Variants in SLC11A2 observed in about 807,000 individuals in gnomAD.
The protein encoded by SLC11A2 is solute carrier family 11 member 2.
In SLC11A2, 38 loss-of-function variants were observed where a neutral mutation model predicts 68.0. The observed-to-expected ratio is 0.56, with a 90% CI of 0.43 to 0.73. The LOEUF is 0.73. SLC11A2 is among the 30% of genes least tolerant of loss of function. SLC11A2 has a pLI of 0.00. For synonymous variants in SLC11A2, 242 were observed against 250.6 expected, an observed-to-expected ratio of 0.97 and a Z score of 0.32; for missense variants, 517 against 690.5, an observed-to-expected ratio of 0.75 and a Z score of 2.82.
At position 51,005,300 on chromosome 12, in the gene SLC11A2, T is replaced by G; in HGVS notation, c.309+11A>C. ...GTGCTTAAAAGGACAGGGGTAGGAC[T>G]AGATGTTCACCTTAAATCCAGCCAC... is the stretch of plus-strand genomic sequence containing the variant. On this transcript the variant is annotated intron_variant, in intron 4 of 15. Coordinates refer to ENST00000262052, the MANE Select transcript of SLC11A2 (RefSeq NM_000617.3). 6.2e-7 allele frequency: 1 copy of G among 1,613,702 alleles called. No homozygotes were observed. The highest frequency in any genetic ancestry group is 1.1e-5 in the South Asian group (1 of 91,050).
the SLC11A2 span, chr12:50,970,473 TA>T: frequency 6.5e-7 from 1 of 1,532,564 alleles, no homozygotes; most frequent in Non-Finnish European, 8.9e-7. Context: ...AGGATTACAT[TA>T]GACCACGATT....
At chr12:50,997,983 T>C (rs1296592236) in intron 8 of SLC11A2, among the ~76,000 whole-genome samples, 8 of 41,608 alleles carry the variant, frequency 1.9e-4, no homozygotes, top group Non-Finnish European at 3.7e-4. Flanking sequence ...GGAGACTCCA[T>C]CTCAAAAAAA....
the SLC11A2 span, among the ~76,000 whole-genome samples, chr12:50,966,831 T>C: frequency 6.6e-6 from 1 of 152,092 alleles, no homozygotes; most frequent in Non-Finnish European, 1.5e-5. Context: ...CTTTGTGAGG[T>C]TGGGGATTGA....
chr12:51,017,433 C>G (rs997926697), intron 1 of SLC11A2, among the ~76,000 whole-genome samples: 16 of 152,100 alleles, frequency 1.1e-4, no homozygotes, highest in African/African-American at 3.6e-4. Context: ...AAAACACACA[C>G]GTACACGTAC....
chr12:51,023,316 G>A (rs925307515), intron 1 of SLC11A2, among the ~76,000 whole-genome samples: 5 of 152,278 alleles, frequency 3.3e-5, no homozygotes, highest in South Asian at 2.1e-4. Context: ...GCATGGTGGC[G>A]CAAGCCTGTA....
chr12:51,008,393 C>A, intron 3 of SLC11A2, 83 bp downstream of exon 3: 1 of 1,181,742 alleles, frequency 8.5e-7, no homozygotes, highest in Non-Finnish European at 1.3e-6. Context: ...CCTGAGGCTG[C>A]TGAACTTGAG....
downstream of SLC11A2, among the ~76,000 whole-genome samples, chr12:50,978,497 TGGGGGGA>T (rs1464889692): frequency 1.5e-5 from 1 of 67,816 alleles, no homozygotes; most frequent in Non-Finnish European, 2.6e-5. Flanking sequence ...TGTTTTGGGG[TGGGGGGA>T]GGGGGGAGGG....
chr12:50,966,182 T>C, the SLC11A2 span, among the ~76,000 whole-genome samples: 1 of 152,080 alleles, frequency 6.6e-6, no homozygotes, highest in African/African-American at 2.4e-5. Flanking sequence ...GATCCCATCA[T>C]CCCCATTGAA....
At chr12:50,968,853 A>G in the SLC11A2 span, among the ~76,000 whole-genome samples, 4,150 of 147,224 alleles carry the variant, frequency 0.028, 194 homozygotes, top group African/African-American at 0.1. Context: ...TAATTTTTTT[A>G]TTTTTTTGTA....
At chr12:50,996,029 C>T (rs1383790841) in intron 9 of SLC11A2, among the ~76,000 whole-genome samples, 2 of 152,174 alleles carry the variant, frequency 1.3e-5, no homozygotes, top group Admixed American at 1.3e-4. Context: ...GGAACAGAGA[C>T]TAAATGACTA....
intron 1 of SLC11A2, among the ~76,000 whole-genome samples, chr12:51,012,211 C>T (rs935693629): frequency 2.6e-5 from 4 of 152,168 alleles, no homozygotes; most frequent in South Asian, 2.1e-4. Context: ...CGCAGTGGGG[C>T]GGGTGGAGTC....
downstream of SLC11A2, chr12:50,980,041 C>T (rs367704507): frequency 7.5e-4 from 322 of 426,690 alleles, 1 homozygote; most frequent in Middle Eastern, 0.015. Context: ...GCCTGGGCAA[C>T]ATGGTGAAAT....
At chr12:50,964,563 C>A in the SLC11A2 span, among the ~76,000 whole-genome samples, 1 of 152,178 alleles carries the variant, frequency 6.6e-6, no homozygotes, top group South Asian at 2.1e-4. Context: ...AAGGTCCCTG[C>A]AGACTAGATT....
At chr12:50,981,808 G>A (rs1471650843), downstream of SLC11A2, 12 of 1,496,638 alleles carry the variant, frequency 8.0e-6, no homozygotes, top group Admixed American at 1.1e-4. Context: ...ATGGCACTAA[G>A]GAAAAAAAGA....
At chr12:50,999,071 G>T in intron 8 of SLC11A2, 103 bp downstream of exon 8, 3 of 1,003,512 alleles carry the variant, frequency 3.0e-6, no homozygotes, top group Non-Finnish European at 4.5e-6. Flanking sequence ...CCCACTATAA[G>T]TGAATCATAC....
At chr12:50,962,216 T>C in the SLC11A2 span, among the ~76,000 whole-genome samples, 1 of 147,982 alleles carries the variant, frequency 6.8e-6, no homozygotes, top group Middle Eastern at 3.4e-3. Context: ...CAAAACCCCA[T>C]CTCTACTAAA....
chr12:50,955,001 C>T, the SLC11A2 span, among the ~76,000 whole-genome samples: 1 of 151,884 alleles, frequency 6.6e-6, no homozygotes. Context: ...AGAAGTGATA[C>T]TATAATTAGG....
At chr12:51,010,548 C>A in intron 2 of SLC11A2, 147 bp downstream of exon 2, 1 of 557,402 alleles carries the variant, frequency 1.8e-6, no homozygotes, top group Admixed American at 3.0e-5. Context: ...CATTTACAGC[C>A]TAAGTCACCA....
downstream of SLC11A2, among the ~76,000 whole-genome samples, chr12:50,975,008 CAA>C (rs1378554976): frequency 1.3e-5 from 2 of 152,156 alleles, no homozygotes; most frequent in East Asian, 3.8e-4. Flanking sequence ...TAGAGACCTA[CAA>C]AGAGACTTAG....
Sources: gnomAD v4.1 joint callset for allele counts (sites outside exome capture counted in the v4.1 genomes callset) on GRCh38, gnomAD v4.1.1 for gene constraint, MANE v1.5 for transcripts, NCBI Gene and HGNC (gene_info 2026-07-23, HGNC 2026-07-21) for gene names.